CDH18: variants seen among roughly 807,000 people sequenced by gnomAD.
The protein encoded by CDH18 is cadherin 18.
A neutral mutation model predicts 67.9 loss-of-function variants in CDH18; 31 were observed. The ratio of observed to expected loss-of-function variants is 0.46; its 90% CI spans 0.34 to 0.62. The LOEUF is 0.62. Among genes scored for constraint, CDH18 ranks in the 20% least tolerant of loss-of-function variants. The pLI, the probability that CDH18 is intolerant of heterozygous loss-of-function variation, is 0.01. For missense variants in CDH18, 890 were observed against 975.5 expected, an observed-to-expected ratio of 0.91 and a Z score of 1.17; for synonymous variants, 362 against 347.2, an observed-to-expected ratio of 1.04 and a Z score of -0.48.
At chr5:19,930,535 C>T (rs1346617211) in intron 2 of CDH18, among the ~76,000 whole-genome samples, 1 of 151,978 alleles carries the variant, frequency 6.6e-6, no homozygotes, top group Non-Finnish European at 1.5e-5. Flanking sequence ...TTGTGTTCTA[C>T]AATCATATCA....
chr5:20,395,535 G>A (rs1238154397), intron 1 of CDH18, among the ~76,000 whole-genome samples: 1 of 152,038 alleles, frequency 6.6e-6, no homozygotes, highest in Non-Finnish European at 1.5e-5. Context: ...ATTTTACCAC[G>A]ATACAATTTA....
At chr5:19,943,916 T>C (rs920568393) in intron 2 of CDH18, among the ~76,000 whole-genome samples, 1 of 152,088 alleles carries the variant, frequency 6.6e-6, no homozygotes, top group Non-Finnish European at 1.5e-5. Flanking sequence ...TAATAGCTAT[T>C]TTGTATTACC....
chr5:20,435,192 T>G (rs545590051), intron 1 of CDH18, among the ~76,000 whole-genome samples: 24 of 152,148 alleles, frequency 1.6e-4, no homozygotes, highest in African/African-American at 5.1e-4. Context: ...TTTTGCCTCT[T>G]AAATGTCATT....
chr5:20,146,348 C>T (rs1287283363), intron 2 of CDH18, among the ~76,000 whole-genome samples: 2 of 151,952 alleles, frequency 1.3e-5, no homozygotes, highest in Non-Finnish European at 2.9e-5. Context: ...TCCTTTCTGT[C>T]CTGGTAGACC....
At chr5:19,853,852 A>G (rs563288665) in intron 2 of CDH18, among the ~76,000 whole-genome samples, 2 of 152,262 alleles carry the variant, frequency 1.3e-5, no homozygotes, top group South Asian at 4.1e-4. Flanking sequence ...GTGTAAACCA[A>G]CTGATCTGGA....
intron 1 of CDH18, among the ~76,000 whole-genome samples, chr5:20,518,448 T>G (rs1755512030): frequency 6.6e-6 from 1 of 152,098 alleles, no homozygotes; most frequent in South Asian, 2.1e-4. Context: ...GGCTCCCTTT[T>G]TGGTTCCTCT....
chr5:19,604,847 G>GT lies in CDH18; in HGVS notation c.811+7586dup, dbSNP rs982689099. Among the ~76,000 whole-genome samples the GT allele has an allele frequency of 1.1e-3, 160 of 148,692 alleles. 1 individual carries two copies. The highest frequency in any genetic ancestry group is 1.5e-3 in the Non-Finnish European group (98 of 66,898). ...AGGAAAGCTGATTATTCTATAGAAA[G>GT]TTTTTTTTTTCTCTCAAGTATTATA... On this transcript the variant is annotated intron_variant, in intron 6 of 12. Transcript: ENST00000382275.
chr5:19,590,760 T>G (rs966417587), intron 7 of CDH18, among the ~76,000 whole-genome samples: 2 of 152,114 alleles, frequency 1.3e-5, no homozygotes, highest in Admixed American at 1.3e-4. Context: ...ATTTAATTCT[T>G]GACTATTAAC....
chr5:20,297,107 C>G (rs1013563487), intron 1 of CDH18, among the ~76,000 whole-genome samples: 1 of 151,798 alleles, frequency 6.6e-6, no homozygotes, highest in South Asian at 2.1e-4. Flanking sequence ...TATTTAAATA[C>G]ATAATATAAA....
In CDH18 at chr5:19,472,119, A is replaced by G. The variant is rs2126478529; in HGVS notation, c.*1107T>C. Among the ~76,000 whole-genome samples the G allele has an allele frequency of 6.6e-6, 1 of 152,254 alleles. No individual in the cohort carries two copies. Among genetic ancestry groups the G allele is most frequent in the South Asian group, 2.1e-4 (1 of 4,830 alleles). ...ACCAAACTAATTATCAGTGAGATGG[A>G]AAAAATCTGAAACTGTGTAAGGAAT... On this transcript the variant is annotated 3_prime_UTR_variant, in exon 13 of 13. Coordinates refer to ENST00000382275, the MANE Select transcript of CDH18 (RefSeq NM_004934.5).
chr5:20,197,486 G>T (rs1739074061), intron 2 of CDH18, among the ~76,000 whole-genome samples: 1 of 152,138 alleles, frequency 6.6e-6, no homozygotes, highest in African/African-American at 2.4e-5. Context: ...CATGCAAGAA[G>T]CTCAGTCTTC....
intron 1 of CDH18, among the ~76,000 whole-genome samples, chr5:20,548,438 T>TG (rs1452384127): frequency 2.3e-5 from 3 of 133,108 alleles, no homozygotes; most frequent in Admixed American, 7.9e-5. Flanking sequence ...AGAGAACATG[T>TG]TTGTGTGTGT....
rs1561906059 is a variant in CDH18 at position 20,242,632 on chromosome 5, A to ATG, written c.-518+12810_-518+12811dup. 1.3e-3 allele frequency among the ~76,000 whole-genome samples: 162 copies of ATG among 127,280 alleles called. 14 individuals are homozygous for ATG. The highest frequency in any genetic ancestry group is 5.0e-3 in the African/African-American group (154 of 30,702). 83.5% of individuals were successfully genotyped at this position (127,280 alleles called of 152,430 possible). A position where few individuals can be genotyped will look rare whatever the true frequency, so the allele number is the denominator to read the frequency against. ...AAAAAATATATATATATATATATATATGTATATATATATATATATGTAAAT... is the reference window on the plus strand; with the variant it reads ...AAAAAATATATATATATATATATATATGTGTATATATATATATATATGTAAAT... On this transcript the variant is annotated intron_variant, in intron 2 of 14. Coordinates refer to the CDH18 transcript ENST00000507958.
At chr5:20,011,978 C>T (rs563058709) in intron 2 of CDH18, among the ~76,000 whole-genome samples, 19 of 152,184 alleles carry the variant, frequency 1.2e-4, no homozygotes, top group African/African-American at 3.9e-4. Flanking sequence ...GGAGTCCCTC[C>T]TTTTCAATTT....
At chr5:20,317,141 C>G (rs1737544599) in intron 1 of CDH18, among the ~76,000 whole-genome samples, 1 of 151,816 alleles carries the variant, frequency 6.6e-6, no homozygotes, top group Admixed American at 6.6e-5. Context: ...TTTGCTTTTG[C>G]CTTTAGAATT....
chr5:20,459,045 T>C (rs1480652480), intron 1 of CDH18, among the ~76,000 whole-genome samples: 1 of 150,324 alleles, frequency 6.7e-6, no homozygotes, highest in Non-Finnish European at 1.5e-5. Context: ...CAAAACAAAA[T>C]ACTTGATAAT....
chr5:20,467,793 A>G (rs949773295), intron 1 of CDH18, among the ~76,000 whole-genome samples: 3 of 152,180 alleles, frequency 2.0e-5, no homozygotes, highest in Admixed American at 6.5e-5. Flanking sequence ...TATAGTTAGT[A>G]CCATTTACTG....
chr5:20,269,870 T>C (rs1745309325), intron 1 of CDH18, among the ~76,000 whole-genome samples: 1 of 152,018 alleles, frequency 6.6e-6, no homozygotes, highest in African/African-American at 2.4e-5. Context: ...CATATATGTA[T>C]ACAAATGGAA....
intron 1 of CDH18, among the ~76,000 whole-genome samples, chr5:20,294,170 C>T (rs929536919): frequency 3.3e-5 from 5 of 152,104 alleles, no homozygotes; most frequent in South Asian, 2.1e-4. Flanking sequence ...GGAACACTTA[C>T]GAAAGCATTT....
Sources: gnomAD v4.1 joint callset for allele counts (sites outside exome capture counted in the v4.1 genomes callset) on GRCh38, gnomAD v4.1.1 for gene constraint, MANE v1.5 for transcripts, NCBI Gene and HGNC (gene_info 2026-07-23, HGNC 2026-07-21) for gene names.